Variants in STK3 observed in about 807,000 individuals in gnomAD.
STK3 encodes serine/threonine kinase 3, also known as serine/threonine-protein kinase 3.
STK3 carries 41 observed loss-of-function variants against 58.0 expected under a neutral mutation model. The ratio of observed to expected loss-of-function variants is 0.71; its 90% CI spans 0.55 to 0.92. The LOEUF is 0.92. Among genes scored for constraint, STK3 ranks in the 40% least tolerant of loss-of-function variants. The pLI is 0.00. For missense variants in STK3, 479 were observed against 602.7 expected (o/e 0.79, Z 2.15); for synonymous variants, 170 against 191.0 (o/e 0.89, Z 0.91).
chr8:98,389,678 T>C (rs889839086), upstream of STK3, among the ~76,000 whole-genome samples: 5 of 151,268 alleles, frequency 3.3e-5, no homozygotes, highest in Admixed American at 6.6e-5. Context: ...GACAGCTTCC[T>C]GTCACATATC....
At chr8:98,725,277 C>T (rs568140097) in intron 4 of STK3, among the ~76,000 whole-genome samples, 1 of 152,240 alleles carries the variant, frequency 6.6e-6, no homozygotes, top group Admixed American at 6.5e-5. Context: ...GATATACATA[C>T]ATATGTGGTG....
chr8:98,735,933 T>C (rs1828546946), intron 4 of STK3, among the ~76,000 whole-genome samples: 1 of 152,164 alleles, frequency 6.6e-6, no homozygotes, highest in South Asian at 2.1e-4. Context: ...TCAGATAATT[T>C]GTTTTATGAC....
chr8:98,702,020 C>T (rs1255548005), intron 6 of STK3, among the ~76,000 whole-genome samples: 2 of 152,154 alleles, frequency 1.3e-5, no homozygotes, highest in Non-Finnish European at 2.9e-5. Flanking sequence ...ATGTGTACAT[C>T]ATCATTTCCC....
At chr8:98,439,955 A>G (rs1423780331) in intron 1 of STK3, among the ~76,000 whole-genome samples, 1 of 152,176 alleles carries the variant, frequency 6.6e-6, no homozygotes, top group Non-Finnish European at 1.5e-5. Flanking sequence ...TGGGCACAAC[A>G]CGGCACCTCT....
chr8:98,407,202 A>G (rs1818001968), intron 3 of STK3, among the ~76,000 whole-genome samples: 1 of 152,198 alleles, frequency 6.6e-6, no homozygotes, highest in Admixed American at 6.5e-5. Context: ...CCTTCTGTAA[A>G]AAAAGGAAGT....
chr8:98,565,072 C>T (rs1400608595), intron 8 of STK3, among the ~76,000 whole-genome samples: 1 of 152,030 alleles, frequency 6.6e-6, no homozygotes, highest in African/African-American at 2.4e-5. Context: ...TTGAGAAAAT[C>T]CTTTGCTTTT....
At chr8:98,514,893 A>G (rs1438190063) in intron 10 of STK3, among the ~76,000 whole-genome samples, 1 of 152,002 alleles carries the variant, frequency 6.6e-6, no homozygotes, top group Non-Finnish European at 1.5e-5. Context: ...CTCCACACAC[A>G]CCCAGTCTCT....
intron 3 of STK3, chr8:98,875,790 T>C (rs1411556936): frequency 1.3e-5 from 2 of 152,192 alleles, no homozygotes; most frequent in Non-Finnish European, 1.5e-5. Flanking sequence ...GTGCCAAATA[T>C]ATGGTGTATC....
At chr8:98,694,927 C>T (rs1001831456) in intron 6 of STK3, among the ~76,000 whole-genome samples, 3 of 152,224 alleles carry the variant, frequency 2.0e-5, no homozygotes, top group Non-Finnish European at 2.9e-5. Flanking sequence ...AATCGCCACA[C>T]TGACTTCCAC....
chr8:98,940,203 C>G (rs1012536780), intron 1 of STK3, among the ~76,000 whole-genome samples: 1 of 152,072 alleles, frequency 6.6e-6, no homozygotes, highest in Non-Finnish European at 1.5e-5. Context: ...GGAGCCGGTG[C>G]GCCCTTCCGC....
At chr8:98,646,181 C>A (rs996501076) in intron 6 of STK3, among the ~76,000 whole-genome samples, 8 of 152,296 alleles carry the variant, frequency 5.3e-5, no homozygotes, top group African/African-American at 1.9e-4. Flanking sequence ...CAAATGCTAC[C>A]ACTGTAATGA....
intron 10 of STK3, among the ~76,000 whole-genome samples, chr8:98,483,435 C>G (rs1372776647): frequency 3.3e-5 from 5 of 152,148 alleles, no homozygotes; most frequent in Non-Finnish European, 1.5e-5. Flanking sequence ...AAATGTTTCC[C>G]TGAAAGTCTT....
chr8:98,581,426 A>G (rs1813873034), intron 7 of STK3, among the ~76,000 whole-genome samples: 1 of 152,112 alleles, frequency 6.6e-6, no homozygotes, highest in South Asian at 2.1e-4. Context: ...GGGAGGGAAT[A>G]CTTTCTACAC....
chr8:98,401,913 C>T (rs537721658), intron 3 of STK3, among the ~76,000 whole-genome samples: 7 of 151,948 alleles, frequency 4.6e-5, no homozygotes, highest in East Asian at 3.9e-4. Flanking sequence ...TATTCTTGTG[C>T]GCATGCATTG....
At chr8:98,683,034 T>C (rs1180578710) in intron 6 of STK3, among the ~76,000 whole-genome samples, 1 of 152,120 alleles carries the variant, frequency 6.6e-6, no homozygotes, top group Non-Finnish European at 1.5e-5. Flanking sequence ...TCTTCAATAA[T>C]GCTTAATGGT....
At chr8:98,447,445 T>C (rs143255392) in intron 1 of STK3, among the ~76,000 whole-genome samples, 188 of 151,798 alleles carry the variant, frequency 1.2e-3, no homozygotes, top group Non-Finnish European at 1.9e-3. Flanking sequence ...AGAGTAAGGA[T>C]AGGCCTTTTC....
intron 1 of STK3, among the ~76,000 whole-genome samples, chr8:98,887,917 T>C (rs1838051705): frequency 6.6e-6 from 1 of 152,176 alleles, no homozygotes; most frequent in Non-Finnish European, 1.5e-5. Context: ...AAGCAGTTGC[T>C]TAGCAATGTG....
intron 6 of STK3, among the ~76,000 whole-genome samples, chr8:98,654,687 A>T (rs1439615431): frequency 6.6e-6 from 1 of 152,152 alleles, no homozygotes; most frequent in African/African-American, 2.4e-5. Flanking sequence ...TTATACACCA[A>T]TAACAGACAA....
At chr8:98,423,817 G>T (rs1275766274) in intron 3 of STK3, among the ~76,000 whole-genome samples, 13 of 152,224 alleles carry the variant, frequency 8.5e-5, no homozygotes, top group Non-Finnish European at 4.4e-5. Context: ...TGTGGGCTCA[G>T]CTGAGAGATC....
Sources: gnomAD v4.1 joint callset for allele counts (sites outside exome capture counted in the v4.1 genomes callset) on GRCh38, gnomAD v4.1.1 for gene constraint, MANE v1.5 for transcripts, NCBI Gene and HGNC (gene_info 2026-07-23, HGNC 2026-07-21) for gene names.